The following HHAT variants were observed in gnomAD, a reference collection of about 807,000 sequenced individuals.
HHAT encodes the protein protein-cysteine N-palmitoyltransferase HHAT.
HHAT carries 47 observed loss-of-function variants against 70.8 expected under a neutral mutation model. The ratio of observed to expected loss-of-function variants is 0.66; its 90% CI spans 0.53 to 0.85. The LOEUF (loss-of-function observed/expected upper bound fraction) is 0.85. Among genes scored for constraint, HHAT ranks in the 40% least tolerant of loss-of-function variants. The probability of loss-of-function intolerance (pLI) is 0.00; values close to 1 mark genes in which losing one functional copy is unlikely to be tolerated. For missense variants in HHAT, 609 were observed against 604.8 expected (o/e 1.01, Z -0.07); for synonymous variants, 228 against 247.6 (o/e 0.92, Z 0.74).
chr1:210,515,202 A>G (rs2095033504), intron 9 of HHAT, among the ~76,000 whole-genome samples: 1 of 152,174 alleles, frequency 6.6e-6, no homozygotes, highest in African/African-American at 2.4e-5. Context: ...TGCTTATCCA[A>G]CTGGGGAATG....
chr1:210,520,860 G>A (rs1169788871), intron 9 of HHAT, among the ~76,000 whole-genome samples: 2 of 151,800 alleles, frequency 1.3e-5, no homozygotes, highest in African/African-American at 2.4e-5. Context: ...GTCACTTTTC[G>A]TATTTACTCC....
chr1:210,527,721 G>GGAT (rs2095268178), intron 9 of HHAT, among the ~76,000 whole-genome samples: 1 of 152,236 alleles, frequency 6.6e-6, no homozygotes, highest in Admixed American at 6.5e-5. Flanking sequence ...ACGTGACAGA[G>GGAT]GATGGTGCGC....
At chr1:210,335,911 G>T (rs1290378524) in intron 1 of HHAT, among the ~76,000 whole-genome samples, 1 of 115,884 alleles carries the variant, frequency 8.6e-6, no homozygotes, top group Non-Finnish European at 1.7e-5. Context: ...TGATAAGAAT[G>T]AACAAATTAT....
intron 9 of HHAT, among the ~76,000 whole-genome samples, chr1:210,566,545 C>T (rs924721882): frequency 1.3e-5 from 2 of 151,904 alleles, no homozygotes; most frequent in Admixed American, 6.6e-5. Flanking sequence ...GATGAGGAGA[C>T]AAGGAGATGA....
chr1:210,590,328 G>C (rs1661386626), intron 10 of HHAT: 1 of 151,968 alleles, frequency 6.6e-6, no homozygotes, highest in Non-Finnish European at 1.5e-5. Flanking sequence ...AAATCCAAAT[G>C]AAGACTTACT....
intron 2 of HHAT, among the ~76,000 whole-genome samples, chr1:210,361,719 C>CT (rs2088334313): frequency 6.6e-6 from 1 of 152,068 alleles, no homozygotes; most frequent in African/African-American, 2.4e-5. Context: ...TTTCCCCATT[C>CT]TTGTCTATGT....
At chr1:210,526,011 G>GT (rs1487937798) in intron 9 of HHAT, among the ~76,000 whole-genome samples, 1 of 152,114 alleles carries the variant, frequency 6.6e-6, no homozygotes, top group Non-Finnish European at 1.5e-5. Context: ...AGCCATAAAT[G>GT]TTTTTTTCTT....
intron 7 of HHAT, among the ~76,000 whole-genome samples, chr1:210,461,069 T>C (rs1157988101): frequency 6.6e-6 from 1 of 152,222 alleles, no homozygotes; most frequent in Non-Finnish European, 1.5e-5. Context: ...TGTTAAAGTA[T>C]TGAAAAATAG....
intron 10 of HHAT, among the ~76,000 whole-genome samples, chr1:210,599,739 A>G (rs1458137243): frequency 1.3e-5 from 2 of 151,966 alleles, no homozygotes; most frequent in African/African-American, 4.8e-5. Context: ...TCCCCCTTCC[A>G]TTTATTATCC....
intron 3 of HHAT, among the ~76,000 whole-genome samples, chr1:210,385,252 C>CTTTTTTTTTT (rs55887436): frequency 1.5e-4 from 21 of 138,886 alleles, no homozygotes; most frequent in South Asian, 4.5e-4. Flanking sequence ...ATATGTTTTT[C>CTTTTTTTTTT]TTTTTTTTTT....
intron 7 of HHAT, among the ~76,000 whole-genome samples, chr1:210,445,597 T>G (rs573282225): frequency 6.6e-6 from 1 of 152,356 alleles, no homozygotes; most frequent in South Asian, 2.1e-4. Context: ...TCACCTGGGA[T>G]GATTTCCTCA....
intron 9 of HHAT, among the ~76,000 whole-genome samples, chr1:210,537,795 T>C (rs891093655): frequency 6.6e-6 from 1 of 152,230 alleles, no homozygotes; most frequent in East Asian, 1.9e-4. Context: ...ATTTGATTGT[T>C]GTTTAAGGAG....
chr1:210,494,542 CTTTTTTTTTTTTT>C (rs71146226), intron 8 of HHAT, among the ~76,000 whole-genome samples: 6 of 82,850 alleles, frequency 7.2e-5, no homozygotes, highest in Non-Finnish European at 4.4e-5. Flanking sequence ...TTTGAAATAG[CTTTTTTTTTTTTT>C]TTTTTTTTTT....
chr1:210,433,269 T>A (rs10863829), intron 7 of HHAT, among the ~76,000 whole-genome samples: 3 of 151,468 alleles, frequency 2.0e-5, no homozygotes, highest in Admixed American at 1.3e-4. Flanking sequence ...AGTACTTCAC[T>A]TGCAGGTTCA....
At chr1:210,413,313 G>T (rs889207905) in intron 6 of HHAT, among the ~76,000 whole-genome samples, 2 of 152,110 alleles carry the variant, frequency 1.3e-5, no homozygotes, top group Non-Finnish European at 1.5e-5. Flanking sequence ...CTCTTCCATT[G>T]TCTTGGACAG....
intron 9 of HHAT, among the ~76,000 whole-genome samples, chr1:210,553,678 C>T (rs920543415): frequency 2.0e-5 from 3 of 152,216 alleles, no homozygotes; most frequent in East Asian, 1.9e-4. Flanking sequence ...TGGCTTAGAC[C>T]CCTGCAGTGT....
chr1:210,474,860 T>C (rs1291540514), intron 8 of HHAT, among the ~76,000 whole-genome samples: 3 of 151,500 alleles, frequency 2.0e-5, no homozygotes, highest in Non-Finnish European at 4.4e-5. Flanking sequence ...TGTTTGTTTG[T>C]TTGTTTTTGA....
chr1:210,552,189 T>A (rs2095533241), intron 9 of HHAT, among the ~76,000 whole-genome samples: 1 of 152,090 alleles, frequency 6.6e-6, no homozygotes, highest in African/African-American at 2.4e-5. Flanking sequence ...GGGAAGCAGG[T>A]GGCAGGAATA....
chr1:210,390,174 AAG>A (rs1005365529), intron 4 of HHAT, among the ~76,000 whole-genome samples: 3 of 152,314 alleles, frequency 2.0e-5, no homozygotes, highest in Middle Eastern at 3.4e-3. Flanking sequence ...GAAAAAAAGA[AAG>A]AGAAATAGAG....
Sources: allele counts gnomAD v4.1 joint callset (sites outside exome capture counted in the v4.1 genomes callset), GRCh38; gene constraint gnomAD v4.1.1; transcripts MANE v1.5; gene names NCBI Gene and HGNC (gene_info 2026-07-23, HGNC 2026-07-21).